Variants in CHL1 observed in about 807,000 individuals in gnomAD.
CHL1 encodes cell adhesion molecule L1 like, also known as neural cell adhesion molecule L1-like protein.
In CHL1, 96 loss-of-function variants were observed where a neutral mutation model predicts 141.9. The observed-to-expected ratio is 0.68, with a 90% CI of 0.57 to 0.80. CHL1 has a LOEUF of 0.80. Among genes scored for constraint, CHL1 ranks in the 30% least tolerant of loss-of-function variants. CHL1 has a pLI of 0.00. For synonymous variants in CHL1, 613 were observed against 502.2 expected (o/e 1.22, Z -2.95); for missense variants, 1,820 against 1,457.2 (o/e 1.25, Z -4.05).
At chr3:314,329 G>GTGTGTGTA (rs1455318071) in intron 2 of CHL1, among the ~76,000 whole-genome samples, 5 of 65,344 alleles carry the variant, frequency 7.7e-5, no homozygotes, top group African/African-American at 2.6e-4. Flanking sequence ...CTCTCTATGT[G>GTGTGTGTA]TATATATATA....
chr3:288,368 T>C (rs1183804533), intron 2 of CHL1, among the ~76,000 whole-genome samples: 4 of 152,066 alleles, frequency 2.6e-5, no homozygotes, highest in Non-Finnish European at 5.9e-5. Flanking sequence ...AATTTACATA[T>C]ATGCATATAC....
chr3:305,583 C>T (rs1295242110), intron 2 of CHL1, among the ~76,000 whole-genome samples: 1 of 151,720 alleles, frequency 6.6e-6, no homozygotes, highest in Admixed American at 6.6e-5. Context: ...TGGTCTTTAC[C>T]TGTTTGTTCT....
intron 1 of CHL1, chr3:197,887 T>TTTTTTG: frequency 2.3e-6 from 1 of 433,226 alleles, no homozygotes; most frequent in African/African-American, 2.1e-5. Flanking sequence ...TTTTTTTTTT[T>TTTTTTG]GGAGTGTGAG....
At chr3:275,843 T>G (rs1696045046) in intron 2 of CHL1, among the ~76,000 whole-genome samples, 1 of 152,138 alleles carries the variant, frequency 6.6e-6, no homozygotes, top group Admixed American at 6.5e-5. Context: ...AAAACTAGTA[T>G]AAAATTTAAA....
chr3:294,072 A>C (rs1697957890), intron 2 of CHL1, among the ~76,000 whole-genome samples: 1 of 152,086 alleles, frequency 6.6e-6, no homozygotes, highest in Non-Finnish European at 1.5e-5. Flanking sequence ...TGTTCTAAGC[A>C]CTTTGGGAGG....
chr3:370,135 T>C (rs1330002970), intron 15 of CHL1, among the ~76,000 whole-genome samples: 1 of 152,234 alleles, frequency 6.6e-6, no homozygotes, highest in Non-Finnish European at 1.5e-5. Flanking sequence ...GACGAGTCCC[T>C]TCTTTTCAAT....
At chr3:311,997 A>G (rs1286660355) in intron 2 of CHL1, among the ~76,000 whole-genome samples, 3 of 152,184 alleles carry the variant, frequency 2.0e-5, no homozygotes, top group East Asian at 1.9e-4. Flanking sequence ...TCATTACAGT[A>G]TACTATTTTT....
intron 2 of CHL1, among the ~76,000 whole-genome samples, chr3:284,464 G>T (rs754154413): frequency 6.6e-6 from 1 of 152,206 alleles, no homozygotes; most frequent in East Asian, 1.9e-4. Flanking sequence ...ACTGGGAACT[G>T]TTCCAAACCG....
chr3:235,976 T>C (rs13091018), intron 1 of CHL1, among the ~76,000 whole-genome samples: 82,297 of 151,982 alleles, frequency 0.54, 22,875 homozygotes, highest in Non-Finnish European at 0.6. Context: ...GATTTGGTAT[T>C]GGTGCTGGGA....
chr3:229,449 A>G (rs1701671168), intron 1 of CHL1, among the ~76,000 whole-genome samples: 1 of 152,190 alleles, frequency 6.6e-6, no homozygotes, highest in South Asian at 2.1e-4. Flanking sequence ...CGAAGTGAAT[A>G]ATCAGTGCAG....
intron 3 of CHL1, among the ~76,000 whole-genome samples, chr3:323,836 G>A (rs567284582): frequency 6.6e-6 from 1 of 152,194 alleles, no homozygotes; most frequent in East Asian, 1.9e-4. Context: ...CTGCACTGCA[G>A]CCTGCATGAG....
At chr3:290,214 A>G (rs1427153587) in intron 2 of CHL1, among the ~76,000 whole-genome samples, 1 of 152,146 alleles carries the variant, frequency 6.6e-6, no homozygotes, top group Non-Finnish European at 1.5e-5. Flanking sequence ...TGAAAAAACC[A>G]CTTGTTTATA....
intron 2 of CHL1, among the ~76,000 whole-genome samples, chr3:245,802 G>C (rs1693107804): frequency 6.6e-6 from 1 of 152,038 alleles, no homozygotes; most frequent in Admixed American, 6.6e-5. Context: ...AATGAATGCA[G>C]GCCATACCAA....
chr3:298,313 G>T (rs1698394754), intron 2 of CHL1, among the ~76,000 whole-genome samples: 1 of 152,134 alleles, frequency 6.6e-6, no homozygotes, highest in Admixed American at 6.6e-5. Flanking sequence ...TAATTTTAAT[G>T]GTATAGGTAA....
chr3:235,805 T>A (rs998595951), intron 1 of CHL1, among the ~76,000 whole-genome samples: 11 of 152,208 alleles, frequency 7.2e-5, no homozygotes, highest in Non-Finnish European at 1.5e-4. Flanking sequence ...CTTATTGCTT[T>A]CAAGACTGTT....
chr3:201,161 A>G (rs929631800), intron 1 of CHL1, among the ~76,000 whole-genome samples: 14 of 152,236 alleles, frequency 9.2e-5, no homozygotes, highest in Admixed American at 7.2e-4. Flanking sequence ...GATTGATCAC[A>G]AAGTAGAGTA....
rs188170578 is a variant in CHL1, at chr3:259,323, C to T, written c.-95+14631C>T. Among the ~76,000 whole-genome samples the T allele has an allele frequency of 5.2e-3, 739 of 143,124 alleles. 4 individuals carry two copies. Among genetic ancestry groups the T allele is most frequent in the Non-Finnish European group, 7.2e-3 (485 of 67,144 alleles). 93.9% of individuals were successfully genotyped at this position (143,124 alleles called of 152,430 possible). On this transcript the variant is annotated intron_variant, in intron 2 of 27. Transcript: ENST00000256509. Reference sequence around the variant, plus strand: ...GCGTGCTTGTGTGTGTGTGTGCATGCGTGTGTGTGTGTGTGATATAGTGGG... The same window carrying T: ...GCGTGCTTGTGTGTGTGTGTGCATGTGTGTGTGTGTGTGTGATATAGTGGG...
intron 2 of CHL1, among the ~76,000 whole-genome samples, chr3:304,855 C>T (rs1018260711): frequency 3.9e-5 from 6 of 151,968 alleles, no homozygotes; most frequent in African/African-American, 1.5e-4. Context: ...TTAGATCTTT[C>T]CTGCTTTCTC....
In CHL1 at chr3:349,419, A is replaced by G. The variant is rs1236622437; in HGVS notation, c.909A>G (p.Thr303=). Residue 303 remains threonine, a synonymous_variant, in exon 10 of 28, where the codon ACA becomes ACG. Coordinates refer to ENST00000256509, the MANE Select transcript of CHL1 (RefSeq NM_006614.4). ...IGGDLPKGRE[T]KENYGKTLKI... The stretch of plus-strand genomic sequence containing the variant: ...GTGACTTACCAAAGGGGAGAGAAAC[A>G]AAAGAAAATTATGGCAAGACTTTGA... 3.7e-6 allele frequency: 6 copies of G among 1,613,916 alleles called. No individual in the cohort carries two copies. In the African/African-American group the frequency reaches 8.0e-5, roughly 22 times the overall value.
Sources: gnomAD v4.1 joint callset for allele counts (sites outside exome capture counted in the v4.1 genomes callset) on GRCh38, gnomAD v4.1.1 for gene constraint, MANE v1.5 for transcripts, NCBI Gene and HGNC (gene_info 2026-07-23, HGNC 2026-07-21) for gene names.